The following CWF19L1 variants were observed in gnomAD, a reference collection of about 807,000 sequenced individuals.
CWF19L1 encodes the protein CWF19-like protein 1.
In CWF19L1, 60 loss-of-function variants were observed where a neutral mutation model predicts 69.7. The observed-to-expected ratio is 0.86, with a 90% CI of 0.70 to 1.07. CWF19L1 has a LOEUF of 1.07. CWF19L1 is among the 50% of genes least tolerant of loss of function. The probability of loss-of-function intolerance (pLI) is 0.00; values close to 1 mark genes in which losing one functional copy is unlikely to be tolerated. For synonymous variants in CWF19L1, 209 were observed against 222.2 expected, an observed-to-expected ratio of 0.94 and a Z score of 0.53; for missense variants, 591 against 638.9, an observed-to-expected ratio of 0.92 and a Z score of 0.81.
chr10:100,265,283 TAAAGTA>T (rs1380889998), intron 1 of CWF19L1, among the ~76,000 whole-genome samples: 2 of 152,072 alleles, frequency 1.3e-5, no homozygotes, highest in Non-Finnish European at 2.9e-5. Context: ...TTAAAGTTTA[TAAAGTA>T]AAAGTTACAG....
intron 1 of CWF19L1, among the ~76,000 whole-genome samples, chr10:100,264,786 T>C (rs1201892572): frequency 6.6e-6 from 1 of 151,896 alleles, no homozygotes; most frequent in Admixed American, 6.6e-5. Flanking sequence ...ATCCTGACCC[T>C]GTGTAGGCCT....
chr10:100,235,624 T>A lies in CWF19L1; in HGVS notation c.1472+43A>T, dbSNP rs767766357. 4.4e-6 allele frequency: 6 copies of A among 1,359,802 alleles called. No homozygotes were observed. In the South Asian group the frequency reaches 5.8e-5, roughly 13 times the overall value. The allele number at this position is 1,359,802 out of a possible 1,614,324, so 84.2% of individuals were successfully genotyped here. Reference sequence around the variant, plus strand: ...CCCATGTAGCCCACCACTCTGTTCATAGCAGGTCTAGTGAAAATACATTGA... The same window carrying A: ...CCCATGTAGCCCACCACTCTGTTCAAAGCAGGTCTAGTGAAAATACATTGA... On this transcript the variant is annotated intron_variant, in intron 13 of 13. Coordinates refer to ENST00000354105, the MANE Select transcript of CWF19L1 (RefSeq NM_018294.6).
intron 11 of CWF19L1, among the ~76,000 whole-genome samples, chr10:100,237,605 A>C (rs1261225765): frequency 6.6e-6 from 1 of 151,986 alleles, no homozygotes; most frequent in East Asian, 1.9e-4. Context: ...TTTAAATATT[A>C]ATATAAAAAT....
chr10:100,240,983 T>C (rs1009931376), intron 10 of CWF19L1, among the ~76,000 whole-genome samples: 4 of 145,810 alleles, frequency 2.7e-5, no homozygotes, highest in Non-Finnish European at 4.5e-5. Context: ...GAGACAGGAG[T>C]GTGCCACTAA....
chr10:100,238,219 G>C lies in CWF19L1; in HGVS notation c.1057C>G (p.Leu353Val). The stretch of plus-strand genomic sequence containing the variant: ...TCATCAGATAAGCCTCCTTTGGCCA[G>C]GGCAAGGTAGCACTGAAGAAGCAGC... ...VNIGTHCYLA[L>V]AKGGLSDDHV... The change falls in exon 11 of 14, where the codon CTG becomes GTG. Residue 353 changes from leucine (L) to valine (V), a missense_variant. This residue lies in a region of CWF19L1 where 458 missense variants were observed against 489.3 expected (regional missense o/e 0.94). Coordinates refer to ENST00000354105, the MANE Select transcript of CWF19L1 (RefSeq NM_018294.6). The C allele has an allele frequency of 6.2e-7, 1 of 1,614,166 alleles. No individual in the cohort carries two copies. Among genetic ancestry groups the C allele is most frequent in the Non-Finnish European group, 8.5e-7 (1 of 1,180,012 alleles).
rs372465564 is a variant in CWF19L1, at chr10:100,256,474, G to A, written c.292C>T (p.Arg98Cys). The change falls in exon 5 of 14, where the codon CGT becomes TGT. Residue 98 changes from arginine (R) to cysteine (C), a missense_variant and splice_region_variant. Transcript: ENST00000354105. Reference sequence around the variant, plus strand: ...GAGCTTCCAGTGAAGATACCTTTACGACCTGGGTTCAAAGAAAAATGAACA... The same window carrying A: ...GAGCTTCCAGTGAAGATACCTTTACAACCTGGGTTCAAAGAAAAATGAACA... ...ELAENITYLG[R>C]KGIFTGSSGL... 10 of 1,613,654 alleles carry A rather than the reference G, an allele frequency of 6.2e-6. No homozygotes were observed. Among genetic ancestry groups the A allele is most frequent in the African/African-American group, 5.3e-5 (4 of 74,878 alleles).
chr10:100,253,348 G>C, intron 6 of CWF19L1, 73 bp downstream of exon 6: 1 of 893,058 alleles, frequency 1.1e-6, no homozygotes, highest in Non-Finnish European at 1.8e-6. Flanking sequence ...GGTTAAAAAC[G>C]AACAAGAGAA....
chr10:100,263,006 T>G (rs544905394), intron 1 of CWF19L1, among the ~76,000 whole-genome samples: 36 of 152,066 alleles, frequency 2.4e-4, no homozygotes, highest in Non-Finnish European at 4.3e-4. Flanking sequence ...CTTGGCTCAC[T>G]GCAACCTCCA....
intron 6 of CWF19L1, among the ~76,000 whole-genome samples, chr10:100,251,880 T>C (rs1314755506): frequency 6.6e-6 from 1 of 152,138 alleles, no homozygotes; most frequent in Non-Finnish European, 1.5e-5. Flanking sequence ...AAGTTTTGAG[T>C]GGCTTGTTCC....
chr10:100,258,115 G>A (rs1197197849), intron 4 of CWF19L1, among the ~76,000 whole-genome samples: 1 of 152,124 alleles, frequency 6.6e-6, no homozygotes, highest in Non-Finnish European at 1.5e-5. Context: ...GCACACACCC[G>A]TAACCCCAGC....
chr10:100,251,810 C>A (rs1334406245), intron 6 of CWF19L1, among the ~76,000 whole-genome samples: 2 of 152,072 alleles, frequency 1.3e-5, no homozygotes, highest in African/African-American at 4.8e-5. Flanking sequence ...CACACCCAGC[C>A]CTATTGGCCA....
intron 7 of CWF19L1, chr10:100,248,328 G>A: frequency 2.5e-6 from 3 of 1,208,522 alleles, no homozygotes; most frequent in Non-Finnish European, 3.6e-6. Context: ...AGGAGACGTG[G>A]TGAACTCTGC....
intron 12 of CWF19L1, among the ~76,000 whole-genome samples, chr10:100,236,508 G>C (rs1846441213): frequency 1.3e-5 from 2 of 152,148 alleles, no homozygotes; most frequent in South Asian, 4.1e-4. Context: ...AGGCGTGGGT[G>C]GCTCATGCCT....
At position 100,232,555 on chromosome 10, in the gene CWF19L1, AGT is replaced by A. The variant is rs1220020225; in HGVS notation, c.*670_*671del. On this transcript the variant is annotated 3_prime_UTR_variant, in exon 14 of 14. Transcript: ENST00000354105. ...AGCCTCCTGAGTAGCTGGGATTACA[AGT>A]GCCTGGCACCACGCCCAGCTAATTT... 6.6e-6 allele frequency: 1 copy of A among 152,304 alleles called. No individual in the cohort carries two copies. Among genetic ancestry groups the A allele is most frequent in the African/African-American group, 2.4e-5 (1 of 41,422 alleles). 9.4% of individuals were successfully genotyped at this position (152,304 alleles called of 1,614,324 possible).
intron 10 of CWF19L1, among the ~76,000 whole-genome samples, chr10:100,242,910 T>C (rs1439888401): frequency 6.6e-6 from 1 of 152,050 alleles, no homozygotes; most frequent in East Asian, 1.9e-4. Context: ...TAGAGAACCA[T>C]ACCTATTTAT....
chr10:100,259,099 G>T (rs1415221158), intron 4 of CWF19L1, among the ~76,000 whole-genome samples: 3 of 151,708 alleles, frequency 2.0e-5, no homozygotes, highest in Admixed American at 6.6e-5. Flanking sequence ...TACTCGGAAG[G>T]CTGAGGCAGG....
At chr10:100,235,626 G>T in intron 13 of CWF19L1, 41 bp downstream of exon 13, 2 of 1,366,298 alleles carry the variant, frequency 1.5e-6, no homozygotes, top group Non-Finnish European at 2.1e-6. Context: ...TCTGTTCATA[G>T]CAGGTCTAGT....
At chr10:100,267,492 G>A (rs1386191433) in intron 1 of CWF19L1, 79 bp downstream of exon 1, 1 of 1,612,536 alleles carries the variant, frequency 6.2e-7, no homozygotes, top group Non-Finnish European at 8.5e-7. Flanking sequence ...TCCCGTCATG[G>A]GAAAGACTCC....
chr10:100,241,903 A>G (rs1846650834), intron 10 of CWF19L1, among the ~76,000 whole-genome samples: 1 of 152,216 alleles, frequency 6.6e-6, no homozygotes, highest in Non-Finnish European at 1.5e-5. Flanking sequence ...AATGACTTAT[A>G]AATATTTTCC....
Sources: allele counts gnomAD v4.1 joint callset (sites outside exome capture counted in the v4.1 genomes callset), GRCh38; gene constraint gnomAD v4.1.1; regional missense constraint gnomAD v4.1.1; transcripts MANE v1.5; gene names NCBI Gene and HGNC (gene_info 2026-07-23, HGNC 2026-07-21).